CPA3: variants seen among roughly 807,000 people sequenced by gnomAD.
CPA3 encodes the protein carboxypeptidase A3.
Under a neutral mutation model 55.8 loss-of-function variants are expected in CPA3, and 52 were observed. The observed-to-expected ratio is 0.93, with a 90% CI of 0.75 to 1.17. CPA3 has a LOEUF of 1.17. Among genes scored for constraint, CPA3 ranks in the 50% most tolerant of loss-of-function variants. The probability of loss-of-function intolerance (pLI) is 0.00; values close to 1 mark genes in which losing one functional copy is unlikely to be tolerated. For missense variants in CPA3, 547 were observed against 509.1 expected (o/e 1.07, Z -0.72); for synonymous variants, 179 against 171.2 (o/e 1.05, Z -0.36).
At chr3:148,869,739 T>C (rs1714008596) in intron 3 of CPA3, among the ~76,000 whole-genome samples, 1 of 152,104 alleles carries the variant, frequency 6.6e-6, no homozygotes, top group East Asian at 1.9e-4. Context: ...GTCTGGGCCC[T>C]GGGCAGTGAA....
chr3:148,868,040 C>T (rs1246811420), intron 2 of CPA3, among the ~76,000 whole-genome samples: 1 of 152,120 alleles, frequency 6.6e-6, no homozygotes, highest in Non-Finnish European at 1.5e-5. Context: ...AGATTACAGG[C>T]ATGTGCCACC....
intron 1 of CPA3, 30 bp downstream of exon 1, chr3:148,865,405 T>A: frequency 6.2e-7 from 1 of 1,613,778 alleles, no homozygotes; most frequent in Non-Finnish European, 8.5e-7. Flanking sequence ...TTCCAGTCTC[T>A]GTGTAGAAGA....
intron 10 of CPA3, among the ~76,000 whole-genome samples, chr3:148,887,085 T>C (rs1388306531): frequency 6.6e-6 from 1 of 152,236 alleles, no homozygotes; most frequent in Non-Finnish European, 1.5e-5. Context: ...CTTGATTTTC[T>C]TGTCTCTTAT....
At position 148,866,499 on chromosome 3, in the gene CPA3, C is replaced by T. The variant is rs113471518; in HGVS notation, c.144+951C>T. On this transcript the variant is annotated intron_variant, in intron 2 of 10. Coordinates refer to ENST00000296046, the MANE Select transcript of CPA3 (RefSeq NM_001870.4). The stretch of plus-strand genomic sequence containing the variant: ...CTAAAACTTGACAATTGCATTCCTC[C>T]GTTTGAGGGTCATTACTAAGAAGCA... Among the ~76,000 whole-genome samples the T allele has an allele frequency of 5.4e-3, 829 of 152,338 alleles. 4 individuals carry two copies. Among genetic ancestry groups the T allele is most frequent in the African/African-American group, 0.019 (792 of 41,574 alleles).
At chr3:148,895,052 G>C (rs1714787435) in intron 10 of CPA3, among the ~76,000 whole-genome samples, 1 of 152,114 alleles carries the variant, frequency 6.6e-6, no homozygotes, top group African/African-American at 2.4e-5. Flanking sequence ...CTCTACCCTA[G>C]TCAGGCTTTC....
Position 148,868,991 on chromosome 3 carries a change from A to G in CPA3, c.221A>G (p.Glu74Gly), listed in dbSNP as rs1713986510. Reference sequence around the variant, plus strand: ...GTGGATTTCCGAGTTAGTGAGAAGGAATCCCAAGCCATCCAGTCTGCCTTG... The same window carrying G: ...GTGGATTTCCGAGTTAGTGAGAAGGGATCCCAAGCCATCCAGTCTGCCTTG... ...MMVDFRVSEK[E>G]SQAIQSALDQ... The change falls in exon 3 of 11, where the codon GAA becomes GGA. Residue 74 changes from glutamate (E) to glycine (G), a missense_variant. By Grantham distance (98) the Glu-to-Gly change is moderately conservative. Coordinates refer to ENST00000296046, the MANE Select transcript of CPA3 (RefSeq NM_001870.4). 1 of 1,613,958 alleles carries G rather than the reference A, an allele frequency of 6.2e-7. No individual in the cohort carries two copies. Among genetic ancestry groups the G allele is most frequent in the South Asian group, 1.1e-5 (1 of 91,078 alleles).
intron 3 of CPA3, 39 bp from the exon 4 acceptor site, chr3:148,878,402 A>G (rs1714266168): frequency 1.5e-6 from 2 of 1,372,208 alleles, no homozygotes. Flanking sequence ...TTCCTTTCTC[A>G]TGATAAAACA....
intron 3 of CPA3, among the ~76,000 whole-genome samples, chr3:148,871,016 A>G (rs1246858022): frequency 1.3e-5 from 2 of 152,130 alleles, no homozygotes; most frequent in East Asian, 3.9e-4. Flanking sequence ...CTCCTGCTTC[A>G]GCCTCCCGAG....
chr3:148,887,117 A>AT (rs944390721), intron 10 of CPA3, among the ~76,000 whole-genome samples: 15 of 151,764 alleles, frequency 9.9e-5, no homozygotes, highest in African/African-American at 1.5e-4. Flanking sequence ...GAAATCAGTA[A>AT]TTTTTTTTTC....
chr3:148,884,665 A>T (rs1235147132), intron 9 of CPA3, among the ~76,000 whole-genome samples: 1 of 152,176 alleles, frequency 6.6e-6, no homozygotes, highest in African/African-American at 2.4e-5. Flanking sequence ...ATTGGAGCAG[A>T]GACCTGAATC....
intron 3 of CPA3, among the ~76,000 whole-genome samples, chr3:148,877,670 T>C (rs1002752344): frequency 2.1e-4 from 32 of 152,214 alleles, no homozygotes; most frequent in African/African-American, 7.2e-4. Flanking sequence ...TTCAACACTT[T>C]GTACCTCATT....
At chr3:148,893,898 C>G (rs1321042057) in intron 10 of CPA3, among the ~76,000 whole-genome samples, 2 of 152,086 alleles carry the variant, frequency 1.3e-5, no homozygotes, top group East Asian at 3.9e-4. Flanking sequence ...ACCTATCAAC[C>G]CTAAATTCAA....
chr3:148,882,448 C>A lies in CPA3; in HGVS notation c.688-57C>A. On this transcript the variant is annotated intron_variant, in intron 7 of 10. Transcript: ENST00000296046. ...ACCTGCAGAGAGAATTTGAAATGAT[C>A]AAATTGAAAAATGCAAACTGATCTT... 2.1e-6 allele frequency: 3 copies of A among 1,459,538 alleles called. No homozygotes were observed. The South Asian group carries it at 3.5e-5, about 17-fold the overall frequency. The allele number at this position is 1,459,538 out of a possible 1,614,324, so 90.4% of individuals were successfully genotyped here. A position where few individuals can be genotyped will look rare whatever the true frequency, so the allele number is the denominator to read the frequency against.
At chr3:148,869,175 A>C in intron 3 of CPA3, 136 bp downstream of exon 3, 2 of 1,003,060 alleles carry the variant, frequency 2.0e-6, no homozygotes, top group Non-Finnish European at 2.8e-6. Context: ...GATACAGATC[A>C]CAGTTACTTC....
At chr3:148,892,390 T>C (rs1304818626) in intron 10 of CPA3, among the ~76,000 whole-genome samples, 1 of 152,134 alleles carries the variant, frequency 6.6e-6, no homozygotes, top group African/African-American at 2.4e-5. Flanking sequence ...CGGTGGCTCA[T>C]GCCTGTAATC....
intron 3 of CPA3, among the ~76,000 whole-genome samples, chr3:148,872,633 G>T (rs1024160705): frequency 1.1e-4 from 16 of 152,280 alleles, no homozygotes; most frequent in Admixed American, 1.0e-3. Context: ...GATATACACA[G>T]TCCTATCCAG....
chr3:148,878,860 A>G (rs1441842592), intron 5 of CPA3, 112 bp downstream of exon 5: 2 of 642,128 alleles, frequency 3.1e-6, no homozygotes, highest in African/African-American at 3.7e-5. Flanking sequence ...TTATCTCTGA[A>G]AGAATATTTA....
chr3:148,878,661 T>G lies in CPA3; in HGVS notation c.387T>G (p.Thr129=). The G allele has an allele frequency of 6.2e-7, 1 of 1,610,074 alleles. No individual in the cohort carries two copies. The highest frequency in any genetic ancestry group is 8.5e-7 in the Non-Finnish European group (1 of 1,177,764). The change falls in exon 5 of 11, where the codon ACT becomes ACG. Residue 129 remains threonine (T), a synonymous_variant. Coordinates refer to ENST00000296046, the MANE Select transcript of CPA3 (RefSeq NM_001870.4). ...YNNWEKIVAW[T]EKMMDKYPEM... ...TTGCTCTTAAGATTGTGGCTTGGAC[T>G]GAAAAGATGATGGATAAGTATCCTG...
At chr3:148,893,739 C>T (rs1483256698) in intron 10 of CPA3, among the ~76,000 whole-genome samples, 1 of 152,138 alleles carries the variant, frequency 6.6e-6, no homozygotes, top group Non-Finnish European at 1.5e-5. Flanking sequence ...CATAATTAAA[C>T]TTCTGAAAAC....
Sources: gnomAD v4.1 joint callset for allele counts (sites outside exome capture counted in the v4.1 genomes callset) on GRCh38, gnomAD v4.1.1 for gene constraint, MANE v1.5 for transcripts, NCBI Gene and HGNC (gene_info 2026-07-23, HGNC 2026-07-21) for gene names.